The following ZNF277 variants were observed in gnomAD, a reference collection of about 807,000 sequenced individuals.
The protein encoded by ZNF277 is nuclear receptor-interacting factor 4.
ZNF277 carries 55 observed loss-of-function variants against 60.7 expected under a neutral mutation model. The observed-to-expected ratio is 0.91, with a 90% CI of 0.73 to 1.13. The LOEUF is 1.13. ZNF277 is among the 50% of genes most tolerant of loss of function. ZNF277 has a pLI of 0.00. For synonymous variants in ZNF277, 178 were observed against 179.3 expected (o/e 0.99, Z 0.06); for missense variants, 510 against 523.0 (o/e 0.98, Z 0.24).
intron 4 of ZNF277, among the ~76,000 whole-genome samples, chr7:112,305,725 A>G (rs975007006): frequency 9.2e-5 from 14 of 152,114 alleles, no homozygotes; most frequent in Non-Finnish European, 1.3e-4. Flanking sequence ...CTCTGATGGA[A>G]TATAGGGACT....
intron 1 of ZNF277, among the ~76,000 whole-genome samples, chr7:112,274,204 C>G (rs953598006): frequency 1.3e-5 from 2 of 152,090 alleles, no homozygotes; most frequent in African/African-American, 2.4e-5. Context: ...GTCACCCAGG[C>G]TGGCGTGAGG....
At chr7:112,220,080 G>C (rs1046289852) in intron 1 of ZNF277, among the ~76,000 whole-genome samples, 1 of 152,116 alleles carries the variant, frequency 6.6e-6, no homozygotes, top group Non-Finnish European at 1.5e-5. Context: ...TGTTTATTCT[G>C]TTTCTGTGAA....
chr7:112,208,554 TAA>T (rs911646391), intron 1 of ZNF277, among the ~76,000 whole-genome samples: 2 of 150,934 alleles, frequency 1.3e-5, no homozygotes, highest in Non-Finnish European at 2.9e-5. Context: ...TATTAAGTGA[TAA>T]GAGTTTGGTA....
intron 1 of ZNF277, among the ~76,000 whole-genome samples, chr7:112,245,923 A>C (rs1482215957): frequency 6.6e-6 from 1 of 152,196 alleles, no homozygotes; most frequent in Non-Finnish European, 1.5e-5. Context: ...TATAATAGCC[A>C]ATGTCAGAGT....
intron 4 of ZNF277, among the ~76,000 whole-genome samples, chr7:112,296,609 C>G (rs1002891669): frequency 4.6e-5 from 7 of 151,762 alleles, no homozygotes; most frequent in African/African-American, 1.7e-4. Context: ...CTGACACATG[C>G]TAGGGTTCAG....
At chr7:112,272,382 A>G (rs1324025733) in intron 1 of ZNF277, among the ~76,000 whole-genome samples, 1 of 142,338 alleles carries the variant, frequency 7.0e-6, no homozygotes, top group Non-Finnish European at 1.5e-5. Context: ...TGCTGCAACA[A>G]ACAGCAGATA....
intron 1 of ZNF277, among the ~76,000 whole-genome samples, chr7:112,214,896 T>C (rs1478352017): frequency 1.3e-5 from 2 of 152,178 alleles, no homozygotes; most frequent in African/African-American, 4.8e-5. Flanking sequence ...TCTGAATTTG[T>C]AGCTTTTTAG....
chr7:112,301,301 C>T (rs1032073743), intron 4 of ZNF277, among the ~76,000 whole-genome samples: 1 of 152,090 alleles, frequency 6.6e-6, no homozygotes, highest in African/African-American at 2.4e-5. Flanking sequence ...TTGCGCCTGG[C>T]CCTATTCTCT....
intron 6 of ZNF277, among the ~76,000 whole-genome samples, chr7:112,328,989 A>C (rs1242000120): frequency 6.6e-6 from 1 of 152,222 alleles, no homozygotes; most frequent in Admixed American, 6.5e-5. Flanking sequence ...CCCTTTTGTT[A>C]AACGACTACC....
At chr7:112,249,598 G>A (rs1270259114) in intron 1 of ZNF277, among the ~76,000 whole-genome samples, 4 of 152,184 alleles carry the variant, frequency 2.6e-5, no homozygotes, top group Non-Finnish European at 5.9e-5. Context: ...AGGAGACAGA[G>A]TTGAGTATTG....
chr7:112,241,459 A>C (rs1790953084), intron 1 of ZNF277, among the ~76,000 whole-genome samples: 1 of 152,144 alleles, frequency 6.6e-6, no homozygotes, highest in Admixed American at 6.5e-5. Flanking sequence ...GGTTGCTCAA[A>C]AAACTAAAAA....
intron 1 of ZNF277, among the ~76,000 whole-genome samples, chr7:112,227,400 C>T (rs780299390): frequency 6.6e-6 from 1 of 152,160 alleles, no homozygotes; most frequent in African/African-American, 2.4e-5. Flanking sequence ...TCCTGTCCTA[C>T]CTCATGGTCA....
At chr7:112,246,193 G>T (rs145054848) in intron 1 of ZNF277, among the ~76,000 whole-genome samples, 2 of 151,868 alleles carry the variant, frequency 1.3e-5, no homozygotes, top group Admixed American at 6.6e-5. Context: ...AGACCAGCCC[G>T]GGCAACATGG....
rs1245438417 is a variant in ZNF277 at position 112,341,593 on chromosome 7, T to C, written c.1184+547T>C. Reference sequence around the variant, plus strand: ...CTGCTAGGACTTTTTGTATATATTTTGTATATTGGCACTTGAAAAAATTAA... The same window carrying C: ...CTGCTAGGACTTTTTGTATATATTTCGTATATTGGCACTTGAAAAAATTAA... On this transcript the variant is annotated intron_variant, in intron 11 of 11. Coordinates refer to ENST00000361822, the MANE Select transcript of ZNF277 (RefSeq NM_021994.3). Among the ~76,000 whole-genome samples the C allele has an allele frequency of 5.9e-5, 9 of 152,252 alleles. No homozygotes were observed. In the East Asian group the frequency reaches 1.5e-3, roughly 26 times the overall value.
chr7:112,318,281 A>C lies in ZNF277; in HGVS notation c.557+8A>C. On this transcript the variant is annotated splice_region_variant and intron_variant, in intron 5 of 11. Transcript: ENST00000361822. ...AGAATTCCTTGGAAACAGGTTTGCC[A>C]TTTTGCATCTTTAAATGTTACTGTT... The C allele has an allele frequency of 6.2e-7, 1 of 1,608,158 alleles. No homozygotes were observed. Among genetic ancestry groups the C allele is most frequent in the Non-Finnish European group, 8.5e-7 (1 of 1,174,822 alleles).
intron 5 of ZNF277, among the ~76,000 whole-genome samples, chr7:112,318,907 CT>C (rs1792911499): frequency 6.6e-6 from 1 of 152,044 alleles, no homozygotes; most frequent in Non-Finnish European, 1.5e-5. Context: ...GCTAGAATTA[CT>C]TACAGAACTC....
chr7:112,309,393 A>G (rs1191452896), intron 4 of ZNF277, among the ~76,000 whole-genome samples: 2 of 151,986 alleles, frequency 1.3e-5, no homozygotes, highest in African/African-American at 4.8e-5. Context: ...GTTTAAGACT[A>G]TATAGAAAAA....
In ZNF277 at chr7:112,296,274, A is replaced by T; in HGVS notation, c.428A>T (p.Asp143Val). ...TTGTTATGTGACGTTTTACCAGAAG[A>T]TAGAATTCTTAGAGAAGAGCTTCAG... ...YFLLCDVLPE[D>V]RILREELQKQ... The change falls in exon 4 of 12, where the codon GAT becomes GTT. Residue 143 changes from aspartate (D) to valine (V), a missense_variant. Coordinates refer to ENST00000361822, the MANE Select transcript of ZNF277 (RefSeq NM_021994.3). 6.3e-7 allele frequency: 1 copy of T among 1,593,686 alleles called. No individual in the cohort carries two copies. Among genetic ancestry groups the T allele is most frequent in the East Asian group, 2.3e-5 (1 of 44,388 alleles).
At chr7:112,245,504 T>C (rs986310569) in intron 1 of ZNF277, among the ~76,000 whole-genome samples, 11 of 152,214 alleles carry the variant, frequency 7.2e-5, no homozygotes, top group Admixed American at 3.9e-4. Flanking sequence ...AACTATGTCA[T>C]AAACACAAAG....
Sources: allele counts gnomAD v4.1 joint callset (sites outside exome capture counted in the v4.1 genomes callset), GRCh38; gene constraint gnomAD v4.1.1; transcripts MANE v1.5; gene names NCBI Gene and HGNC (gene_info 2026-07-23, HGNC 2026-07-21).